Variants in BACH2 observed in about 807,000 individuals in gnomAD.
BACH2 encodes BACH transcriptional regulator 2, also known as transcription regulator protein BACH2.
BACH2 carries 5 observed loss-of-function variants against 61.8 expected under a neutral mutation model. That is an observed-to-expected ratio of 0.08 (90% CI 0.04 to 0.17). BACH2 has a LOEUF of 0.17. Among genes scored for constraint, BACH2 ranks in the 10% least tolerant of loss-of-function variants. The probability of loss-of-function intolerance (pLI) is 1.00; values close to 1 mark genes in which losing one functional copy is unlikely to be tolerated. For missense variants in BACH2, 824 were observed against 1,091.1 expected, an observed-to-expected ratio of 0.76 and a Z score of 3.45; for synonymous variants, 446 against 440.1, an observed-to-expected ratio of 1.01 and a Z score of -0.17.
At chr6:89,979,854 A>C (rs1775854235) in intron 6 of BACH2, among the ~76,000 whole-genome samples, 1 of 152,214 alleles carries the variant, frequency 6.6e-6, no homozygotes, top group African/African-American at 2.4e-5. Flanking sequence ...CAAACTGTTT[A>C]ATCTTCCTTC....
intron 4 of BACH2, among the ~76,000 whole-genome samples, chr6:90,205,229 C>A (rs1295401294): frequency 6.6e-6 from 1 of 152,188 alleles, no homozygotes; most frequent in Non-Finnish European, 1.5e-5. Context: ...GCTCTTTTCA[C>A]AACCAAACCA....
chr6:90,189,435 C>T (rs546468674), intron 4 of BACH2, among the ~76,000 whole-genome samples: 4 of 151,694 alleles, frequency 2.6e-5, no homozygotes, highest in South Asian at 2.1e-4. Flanking sequence ...GGTGAAACCC[C>T]GTATCTACTA....
intron 4 of BACH2, among the ~76,000 whole-genome samples, chr6:90,155,272 TA>T: frequency 6.6e-6 from 1 of 152,324 alleles, no homozygotes; most frequent in East Asian, 1.9e-4. Context: ...TTAGGACTTC[TA>T]AAGGGAAACA....
chr6:89,965,797 C>A (rs975477943), intron 6 of BACH2, among the ~76,000 whole-genome samples: 1 of 152,156 alleles, frequency 6.6e-6, no homozygotes, highest in African/African-American at 2.4e-5. Flanking sequence ...TTTCTTCTTG[C>A]CTCTGGAAGC....
intron 5 of BACH2, among the ~76,000 whole-genome samples, chr6:90,027,285 C>T (rs952731727): frequency 6.6e-6 from 1 of 152,158 alleles, no homozygotes; most frequent in Non-Finnish European, 1.5e-5. Context: ...CTTTCCAAGT[C>T]CCTGTCCTGT....
chr6:89,932,208 T>G lies in BACH2; in HGVS notation c.*200A>C. 1.4e-6 allele frequency: 1 copy of G among 704,856 alleles called. No homozygotes were observed. Among genetic ancestry groups the G allele is most frequent in the Non-Finnish European group, 2.4e-6 (1 of 424,616 alleles). The allele number at this position is 704,856 out of a possible 1,614,324, so 43.7% of individuals were successfully genotyped here. A position where few individuals can be genotyped will look rare whatever the true frequency, so the allele number is the denominator to read the frequency against. On this transcript the variant is annotated 3_prime_UTR_variant, in exon 9 of 9. Coordinates refer to ENST00000257749, the MANE Select transcript of BACH2 (RefSeq NM_021813.4). ...TGTCTTTCCTTGCCTGGGCAAGGGG[T>G]AGCACCATTGTGAAGGTAACTATCA...
chr6:90,131,535 GAATA>G, intron 4 of BACH2, among the ~76,000 whole-genome samples: 1 of 152,274 alleles, frequency 6.6e-6, no homozygotes, highest in South Asian at 2.1e-4. Context: ...GAAAGCCTCT[GAATA>G]GATAGGCAAG....
chr6:90,057,303 C>G (rs1044167298), intron 5 of BACH2, among the ~76,000 whole-genome samples: 25 of 152,280 alleles, frequency 1.6e-4, no homozygotes, highest in Non-Finnish European at 2.9e-5. Context: ...CACCACCAAT[C>G]CCACAGAAAT....
intron 4 of BACH2, among the ~76,000 whole-genome samples, chr6:90,122,383 C>A (rs527623337): frequency 1.3e-5 from 2 of 152,058 alleles, no homozygotes; most frequent in African/African-American, 2.4e-5. Flanking sequence ...AAACCCAGTT[C>A]GCCCTCCCTT....
At chr6:90,023,971 A>T (rs1169158467) in intron 5 of BACH2, among the ~76,000 whole-genome samples, 2 of 152,244 alleles carry the variant, frequency 1.3e-5, no homozygotes, top group Non-Finnish European at 2.9e-5. Flanking sequence ...AAAACTATAA[A>T]GAAAAGACTC....
At chr6:89,960,039 C>T (rs1375962999) in intron 6 of BACH2, among the ~76,000 whole-genome samples, 1 of 152,194 alleles carries the variant, frequency 6.6e-6, no homozygotes, top group Non-Finnish European at 1.5e-5. Flanking sequence ...CTGTCTGCCC[C>T]ACAGCTGCAG....
rs1339449751 is a variant in BACH2 at position 89,967,408 on chromosome 6, C to T, written c.244-15546G>A. ...TTACCTTTAAGGATGTGAGTTAAAA[C>T]ACCTACAGCATCCCGGGTGTTCCAG... On this transcript the variant is annotated intron_variant, in intron 6 of 8. Coordinates refer to ENST00000257749, the MANE Select transcript of BACH2 (RefSeq NM_021813.4). 9.2e-5 allele frequency among the ~76,000 whole-genome samples: 14 copies of T among 152,302 alleles called. No homozygotes were observed. The East Asian group carries it at 2.5e-3, about 27-fold the overall frequency.
intron 4 of BACH2, among the ~76,000 whole-genome samples, chr6:90,153,854 A>T (rs1251207025): frequency 1.3e-5 from 2 of 152,212 alleles, no homozygotes; most frequent in African/African-American, 4.8e-5. Flanking sequence ...TCGTAAGACA[A>T]ATTTTGAAAA....
At chr6:89,996,565 C>T (rs888676296) in intron 6 of BACH2, among the ~76,000 whole-genome samples, 1 of 152,160 alleles carries the variant, frequency 6.6e-6, no homozygotes, top group African/African-American at 2.4e-5. Context: ...AAGATGCCTC[C>T]TCAAAGTCCT....
chr6:90,186,786 G>A (rs926512651), intron 4 of BACH2, among the ~76,000 whole-genome samples: 1 of 152,110 alleles, frequency 6.6e-6, no homozygotes, highest in African/African-American at 2.4e-5. Flanking sequence ...AGCTCTGGAA[G>A]GTAAGCATTT....
intron 4 of BACH2, among the ~76,000 whole-genome samples, chr6:90,165,145 G>C (rs1374322821): frequency 6.6e-6 from 1 of 152,196 alleles, no homozygotes; most frequent in African/African-American, 2.4e-5. Context: ...CAGATGACAT[G>C]ATTGTATATC....
intron 4 of BACH2, among the ~76,000 whole-genome samples, chr6:90,103,029 A>ATATATATATATATTTTTTTT: frequency 1.4e-4 from 3 of 21,164 alleles, no homozygotes; most frequent in Admixed American, 9.0e-4. Flanking sequence ...ATATATATAT[A>ATATATATATATATTTTTTTT]TTTTTTTTTT....
chr6:90,239,731 G>A lies in BACH2; in HGVS notation c.-275+12782C>T, dbSNP rs114554967. Among the ~76,000 whole-genome samples the A allele has an allele frequency of 3.0e-3, 448 of 147,882 alleles. 1 individual carries two copies. Among genetic ancestry groups the A allele is most frequent in the African/African-American group, 0.01 (425 of 40,492 alleles). ...TATCTCTGAAGGGATCAAAGGTCAC[G>A]TTTGTTTTTCTGTTTTCCCCAAGCT... On this transcript the variant is annotated intron_variant, in intron 3 of 8. Coordinates refer to ENST00000257749, the MANE Select transcript of BACH2 (RefSeq NM_021813.4).
At chr6:90,118,308 T>A (rs1189907923) in intron 4 of BACH2, among the ~76,000 whole-genome samples, 1 of 152,180 alleles carries the variant, frequency 6.6e-6, no homozygotes. Context: ...GCTCTGTGGA[T>A]AATACAAACA....
Sources: gnomAD v4.1 joint callset for allele counts (sites outside exome capture counted in the v4.1 genomes callset) on GRCh38, gnomAD v4.1.1 for gene constraint, MANE v1.5 for transcripts, NCBI Gene and HGNC (gene_info 2026-07-23, HGNC 2026-07-21) for gene names.